The following CACNA2D3 variants were observed in gnomAD, a reference collection of about 807,000 sequenced individuals.
CACNA2D3 encodes the protein calcium voltage-gated channel auxiliary subunit alpha2delta 3, also known as voltage-dependent calcium channel subunit alpha-2/delta-3.
Under a neutral mutation model 160.6 loss-of-function variants are expected in CACNA2D3, and 60 were observed. The ratio of observed to expected loss-of-function variants is 0.37; its 90% CI spans 0.30 to 0.46. The LOEUF is 0.46. Among genes scored for constraint, CACNA2D3 ranks in the 20% least tolerant of loss-of-function variants. The pLI is 1.00. For missense variants in CACNA2D3, 1,205 were observed against 1,365.0 expected (o/e 0.88, Z 1.85); for synonymous variants, 558 against 492.9 (o/e 1.13, Z -1.75).
chr3:54,933,028 T>C (rs1387839967), intron 27 of CACNA2D3, among the ~76,000 whole-genome samples: 1 of 150,872 alleles, frequency 6.6e-6, no homozygotes, highest in Non-Finnish European at 1.5e-5. Context: ...AGTTTTAATA[T>C]TGTCTTCCAT....
At chr3:54,481,207 G>A (rs75135045) in intron 4 of CACNA2D3, among the ~76,000 whole-genome samples, 3,098 of 152,262 alleles carry the variant, frequency 0.02, 85 homozygotes, top group East Asian at 0.11. Flanking sequence ...AAGGACATTT[G>A]TTGAGAAGCC....
chr3:54,145,321 A>AGG (rs947013631), intron 2 of CACNA2D3, among the ~76,000 whole-genome samples: 13 of 152,328 alleles, frequency 8.5e-5, no homozygotes, highest in African/African-American at 2.6e-4. Flanking sequence ...GCACGGTGGT[A>AGG]GGGGACCAGG....
intron 13 of CACNA2D3, among the ~76,000 whole-genome samples, chr3:54,803,635 G>T (rs7429556): frequency 0.19 from 28,302 of 152,194 alleles, 2,744 homozygotes; most frequent in Admixed American, 0.2. Context: ...CACTCTGCAG[G>T]ATATGATCCA....
intron 11 of CACNA2D3, among the ~76,000 whole-genome samples, chr3:54,652,333 G>C (rs1699785107): frequency 6.6e-6 from 1 of 152,216 alleles, no homozygotes; most frequent in African/African-American, 2.4e-5. Flanking sequence ...TTGTAATGGA[G>C]CCCAGGAGTA....
chr3:54,963,749 G>A (rs1702084246), intron 27 of CACNA2D3, among the ~76,000 whole-genome samples: 1 of 152,138 alleles, frequency 6.6e-6, no homozygotes, highest in Non-Finnish European at 1.5e-5. Flanking sequence ...GCCCTCCCCA[G>A]GCCTGTACCC....
chr3:54,843,884 GGAA>G (rs949516087), intron 16 of CACNA2D3, among the ~76,000 whole-genome samples: 4 of 152,120 alleles, frequency 2.6e-5, no homozygotes, highest in African/African-American at 9.7e-5. Flanking sequence ...TGAGAGAGGA[GGAA>G]GAAGAACAGC....
intron 4 of CACNA2D3, among the ~76,000 whole-genome samples, chr3:54,468,887 C>T (rs549985564): frequency 6.6e-6 from 1 of 152,286 alleles, no homozygotes; most frequent in Admixed American, 6.5e-5. Flanking sequence ...TGCCTCCTTT[C>T]TGGGTACGAC....
chr3:54,387,399 C>T (rs1699206216), intron 4 of CACNA2D3, among the ~76,000 whole-genome samples: 1 of 152,162 alleles, frequency 6.6e-6, no homozygotes, highest in South Asian at 2.1e-4. Flanking sequence ...TGCCTGTAAT[C>T]CTAGCACTTT....
intron 11 of CACNA2D3, among the ~76,000 whole-genome samples, chr3:54,701,600 A>G (rs1700768827): frequency 6.6e-6 from 1 of 152,226 alleles, no homozygotes. Context: ...AGAGACAACA[A>G]CAAACAAATG....
At chr3:54,368,662 C>T (rs1698866926) in intron 3 of CACNA2D3, among the ~76,000 whole-genome samples, 1 of 147,970 alleles carries the variant, frequency 6.8e-6, no homozygotes, top group Non-Finnish European at 1.5e-5. Context: ...CATACGTGTC[C>T]TGCTCCAAGG....
At chr3:54,896,679 T>A in intron 25 of CACNA2D3, 70 bp from the exon 26 acceptor site, 4 of 1,599,028 alleles carry the variant, frequency 2.5e-6, no homozygotes, top group Non-Finnish European at 3.4e-6. Flanking sequence ...ATGAAGGCTG[T>A]CGGGGTGCTC....
At chr3:55,065,878 A>G (rs73845267) in intron 35 of CACNA2D3, among the ~76,000 whole-genome samples, 5,574 of 152,252 alleles carry the variant, frequency 0.037, 340 homozygotes, top group African/African-American at 0.13. Context: ...TGCTTTTTCA[A>G]TGTCCTGCTG....
intron 4 of CACNA2D3, among the ~76,000 whole-genome samples, chr3:54,483,570 A>G (rs908891463): frequency 8.5e-5 from 13 of 152,174 alleles, no homozygotes; most frequent in Non-Finnish European, 1.9e-4. Context: ...ACCTTCTTGT[A>G]TTATTTTTTA....
intron 10 of CACNA2D3, chr3:54,632,941 CAGGTGTTTCT>C (rs1699275616): frequency 6.6e-6 from 1 of 152,186 alleles, no homozygotes; most frequent in African/African-American, 2.4e-5. Flanking sequence ...GCGGAGTTTC[CAGGTGTTTCT>C]ACCTACTAAC....
intron 35 of CACNA2D3, among the ~76,000 whole-genome samples, chr3:55,045,590 G>A (rs1470536418): frequency 6.6e-6 from 1 of 152,168 alleles, no homozygotes; most frequent in East Asian, 1.9e-4. Flanking sequence ...GATCATTGAA[G>A]TTAGCTATTA....
At chr3:54,217,888 CAG>C (rs1231405687) in intron 2 of CACNA2D3, among the ~76,000 whole-genome samples, 1 of 144,740 alleles carries the variant, frequency 6.9e-6, no homozygotes, top group Non-Finnish European at 1.5e-5. Context: ...GAGAGAGAGA[CAG>C]GTGTTAGGGA....
intron 17 of CACNA2D3, among the ~76,000 whole-genome samples, chr3:54,851,049 T>C (rs751646866): frequency 1.3e-4 from 20 of 152,398 alleles, no homozygotes; most frequent in Non-Finnish European, 2.6e-4. Flanking sequence ...ATGGATACGA[T>C]ACGTGTATCA....
intron 13 of CACNA2D3, among the ~76,000 whole-genome samples, chr3:54,791,159 T>C (rs899805847): frequency 6.6e-6 from 1 of 152,210 alleles, no homozygotes; most frequent in Non-Finnish European, 1.5e-5. Context: ...CTGGGAAACA[T>C]GTCCTAATCA....
At chr3:54,957,022 G>A (rs1211381248) in intron 27 of CACNA2D3, among the ~76,000 whole-genome samples, 1 of 152,138 alleles carries the variant, frequency 6.6e-6, no homozygotes, top group Admixed American at 6.5e-5. Flanking sequence ...GATGTTATTA[G>A]GATTAGCAAT....
Sources: gnomAD v4.1 joint callset for allele counts (sites outside exome capture counted in the v4.1 genomes callset) on GRCh38, gnomAD v4.1.1 for gene constraint, MANE v1.5 for transcripts, NCBI Gene and HGNC (gene_info 2026-07-23, HGNC 2026-07-21) for gene names.